CHSY3: variants seen among roughly 807,000 people sequenced by gnomAD.
CHSY3 encodes the protein chondroitin sulfate synthase 3, also known as N-acetylgalactosaminyl-proteoglycan 3-beta-glucuronosyltransferase 3.
CHSY3 carries 35 observed loss-of-function variants against 67.2 expected under a neutral mutation model. That is an observed-to-expected ratio of 0.52 (90% CI 0.40 to 0.69). The LOEUF (loss-of-function observed/expected upper bound fraction) is 0.69. Ranked by LOEUF, CHSY3 falls within the 30% of genes least tolerant of loss-of-function variation. The probability of loss-of-function intolerance (pLI) is 0.00; values close to 1 mark genes in which losing one functional copy is unlikely to be tolerated. For synonymous variants in CHSY3, 474 were observed against 434.7 expected, an observed-to-expected ratio of 1.09 and a Z score of -1.12; for missense variants, 1,069 against 1,138.5, an observed-to-expected ratio of 0.94 and a Z score of 0.88.
chr5:130,079,828 A>G (rs1766388798), intron 2 of CHSY3, among the ~76,000 whole-genome samples: 1 of 152,138 alleles, frequency 6.6e-6, no homozygotes, highest in African/African-American at 2.4e-5. Context: ...TTTTCAATCC[A>G]TATCAGAAAC....
At chr5:130,093,391 T>C (rs1464119518) in intron 2 of CHSY3, among the ~76,000 whole-genome samples, 1 of 152,222 alleles carries the variant, frequency 6.6e-6, no homozygotes, top group Non-Finnish European at 1.5e-5. Context: ...TTTTTTGGAA[T>C]TGTGGTTATT....
At chr5:130,064,164 G>T in intron 2 of CHSY3, among the ~76,000 whole-genome samples, 1 of 152,024 alleles carries the variant, frequency 6.6e-6, no homozygotes, top group East Asian at 1.9e-4. Context: ...ACAATCTTAT[G>T]TTTTAAAATG....
chr5:130,115,197 C>T (rs1767751486), intron 2 of CHSY3, among the ~76,000 whole-genome samples: 1 of 151,452 alleles, frequency 6.6e-6, no homozygotes, highest in South Asian at 2.1e-4. Flanking sequence ...TTTTTCATCC[C>T]CCTAACACTT....
intron 2 of CHSY3, among the ~76,000 whole-genome samples, chr5:130,115,586 C>T (rs567835475): frequency 1.4e-4 from 22 of 152,198 alleles, no homozygotes; most frequent in East Asian, 1.9e-4. Context: ...ATTAAACAAA[C>T]GATTCAGCCA....
intron 2 of CHSY3, among the ~76,000 whole-genome samples, chr5:130,053,578 G>T (rs1186347456): frequency 6.6e-6 from 1 of 152,112 alleles, no homozygotes; most frequent in African/African-American, 2.4e-5. Flanking sequence ...TGTCTTGATT[G>T]CAGACTTGTA....
intron 2 of CHSY3, among the ~76,000 whole-genome samples, chr5:130,146,058 A>G (rs1237235799): frequency 6.6e-6 from 1 of 152,182 alleles, no homozygotes; most frequent in Non-Finnish European, 1.5e-5. Context: ...TCAAAAAATT[A>G]AAACTAGAAC....
Position 130,057,097 on chromosome 5 carries a change from T to C in CHSY3, c.1087-127132T>C, listed in dbSNP as rs147446381. Among the ~76,000 whole-genome samples the C allele has an allele frequency of 4.4e-3, 666 of 151,776 alleles. 5 individuals carry two copies. The highest frequency in any genetic ancestry group is 0.014 in the African/African-American group (600 of 41,424). On this transcript the variant is annotated intron_variant, in intron 2 of 2. Coordinates refer to ENST00000305031, the MANE Select transcript of CHSY3 (RefSeq NM_175856.5). ...CACCACCACTCCCAGCTAATTTTTTTGTATTTTTAGTAGAGAAGGGGTTTC... is the reference window on the plus strand; with the variant it reads ...CACCACCACTCCCAGCTAATTTTTTCGTATTTTTAGTAGAGAAGGGGTTTC...
intron 2 of CHSY3, among the ~76,000 whole-genome samples, chr5:130,100,063 A>G (rs946573190): frequency 2.0e-5 from 3 of 152,188 alleles, no homozygotes; most frequent in Non-Finnish European, 2.9e-5. Context: ...GAAAGCATCA[A>G]TGCTTTCCAA....
chr5:130,081,646 T>C (rs1322011966), intron 2 of CHSY3, among the ~76,000 whole-genome samples: 1 of 152,022 alleles, frequency 6.6e-6, no homozygotes, highest in Non-Finnish European at 1.5e-5. Context: ...TCCTGTGCTG[T>C]TCTCATGATA....
intron 2 of CHSY3, among the ~76,000 whole-genome samples, chr5:129,917,025 GA>G (rs1760752719): frequency 1.3e-5 from 2 of 152,052 alleles, no homozygotes; most frequent in Admixed American, 1.3e-4. Context: ...TTGAAGAGGA[GA>G]AAAATAAAGA....
At chr5:130,024,806 A>G (rs1764494328) in intron 2 of CHSY3, among the ~76,000 whole-genome samples, 2 of 152,156 alleles carry the variant, frequency 1.3e-5, no homozygotes, top group African/African-American at 4.8e-5. Context: ...TTTGTAAACT[A>G]CAGTGTATAA....
At chr5:130,033,312 CA>C (rs560756192) in intron 2 of CHSY3, among the ~76,000 whole-genome samples, 93 of 152,202 alleles carry the variant, frequency 6.1e-4, no homozygotes, top group Admixed American at 1.1e-3. Context: ...GGCATATATA[CA>C]ACTATTCTCT....
intron 2 of CHSY3, chr5:130,141,188 G>A (rs1768853492): frequency 6.5e-6 from 3 of 460,040 alleles, no homozygotes. Context: ...AAATGTTCAA[G>A]ATTTGCTGCT....
chr5:130,063,536 T>C (rs1352948819), intron 2 of CHSY3, among the ~76,000 whole-genome samples: 1 of 152,196 alleles, frequency 6.6e-6, no homozygotes. Flanking sequence ...TTCTTCGTTA[T>C]TGTTGTCATT....
chr5:129,995,972 C>CA (rs1763527229), intron 2 of CHSY3, among the ~76,000 whole-genome samples: 1 of 151,844 alleles, frequency 6.6e-6, no homozygotes, highest in Non-Finnish European at 1.5e-5. Context: ...TGTCTCTCTC[C>CA]ACCTTTCAAT....
In CHSY3 at chr5:130,111,464, C is replaced by T. The variant is rs776940132; in HGVS notation, c.1087-72765C>T. Among the ~76,000 whole-genome samples, 186 of 151,966 alleles carry T rather than the reference C, an allele frequency of 1.2e-3. 2 individuals are homozygous for T. Among genetic ancestry groups the T allele is most frequent in the Non-Finnish European group, 1.8e-3 (124 of 67,926 alleles). Reference sequence around the variant, plus strand: ...TTGTGAGCACATTATACAATCAGCCCGATTTTAAAAAGCTCTAGGCAACAG... The same window carrying T: ...TTGTGAGCACATTATACAATCAGCCTGATTTTAAAAAGCTCTAGGCAACAG... On this transcript the variant is annotated intron_variant, in intron 2 of 2. Transcript: ENST00000305031.
chr5:130,154,137 G>A (rs1196149875), intron 2 of CHSY3, among the ~76,000 whole-genome samples: 1 of 152,062 alleles, frequency 6.6e-6, no homozygotes, highest in Non-Finnish European at 1.5e-5. Context: ...GGCTGGTCTT[G>A]AACTCCTGAC....
chr5:130,055,854 A>C (rs890861742), intron 2 of CHSY3, among the ~76,000 whole-genome samples: 2 of 152,146 alleles, frequency 1.3e-5, no homozygotes, highest in Admixed American at 6.5e-5. Context: ...TGGCACCTTC[A>C]TCCCTCTCCC....
chr5:130,007,061 A>G (rs184723524), intron 2 of CHSY3, among the ~76,000 whole-genome samples: 185 of 152,338 alleles, frequency 1.2e-3, no homozygotes, highest in African/African-American at 4.3e-3. Flanking sequence ...TGGACCACAC[A>G]TTGAGTAATA....
Sources: allele counts gnomAD v4.1 joint callset (sites outside exome capture counted in the v4.1 genomes callset), GRCh38; gene constraint gnomAD v4.1.1; transcripts MANE v1.5; gene names NCBI Gene and HGNC (gene_info 2026-07-23, HGNC 2026-07-21).